The following ADNP variants were observed in gnomAD, a reference collection of about 807,000 sequenced individuals.
The protein encoded by ADNP is activity dependent neuroprotector homeobox, also known as activity-dependent neuroprotector homeobox protein.
In ADNP, 4 loss-of-function variants were observed where a neutral mutation model predicts 84.9. The observed-to-expected ratio is 0.05, with a 90% CI of 0.02 to 0.11. ADNP has a LOEUF of 0.11. Ranked by LOEUF, ADNP falls within the 10% of genes least tolerant of loss-of-function variation. The pLI is 1.00. For missense variants in ADNP, 1,132 were observed against 1,326.0 expected (o/e 0.85, Z 2.27); for synonymous variants, 554 against 468.1 (o/e 1.18, Z -2.37).
intron 2 of ADNP, among the ~76,000 whole-genome samples, chr20:50,916,059 A>T (rs1266315777): frequency 1.3e-5 from 2 of 152,180 alleles, no homozygotes; most frequent in Non-Finnish European, 2.9e-5. Context: ...GCCTCCAAAA[A>T]TAAACACTGA....
At position 50,892,050 on chromosome 20, in the gene ADNP, T is replaced by G. The variant is rs747941243; in HGVS notation, c.2664A>C (p.Glu888Asp). ...SFENLEEESN[E>D]SGSPFDPVFE... ...AAACAGGGTCAAAAGGGCTACCACT[T>G]TCATTGGATTCTTCTTCCAAATTTT... Residue 888 changes from glutamate (E) to aspartate (D), a missense_variant, in exon 6 of 6, where the codon GAA becomes GAC. Physicochemically the swap from Glu to Asp is conservative, Grantham distance 45. Around this residue, in one of 10 missense-constraint regions of ADNP, gnomAD observed 381 missense variants for 319.9 expected, o/e 1.19. Coordinates refer to ENST00000621696, the MANE Select transcript of ADNP (RefSeq NM_001282531.3). 3.1e-6 allele frequency: 5 copies of G among 1,614,176 alleles called. No individual in the cohort carries two copies. The South Asian group carries it at 5.5e-5, about 18-fold the overall frequency.
rs1253294201 is a variant in ADNP at position 50,892,836 on chromosome 20, A to G, written c.1878T>C (p.Leu626=). The G allele has an allele frequency of 6.2e-7, 1 of 1,614,252 alleles. No individual in the cohort carries two copies. Among genetic ancestry groups the G allele is most frequent in the South Asian group, 1.1e-5 (1 of 91,088 alleles). ...KKDVGKTLCP[L]CFSILKGPIS... ...TGGGTCCTTTTAGGATTGAAAAGCA[A>G]AGAGGACAAAGGGTTTTCCCAACAT... Residue 626 remains leucine (L), a synonymous_variant, in exon 6 of 6, where the codon CTT becomes CTC. Transcript: ENST00000621696.
chr20:50,908,319 T>C (rs919566519), intron 2 of ADNP, among the ~76,000 whole-genome samples: 33 of 152,176 alleles, frequency 2.2e-4, no homozygotes, highest in African/African-American at 7.5e-4. Context: ...TTTTGAACTA[T>C]AACAAGCCAA....
intron 2 of ADNP, among the ~76,000 whole-genome samples, chr20:50,926,832 A>G (rs1307937089): frequency 6.6e-6 from 1 of 152,198 alleles, no homozygotes; most frequent in Admixed American, 6.5e-5. Context: ...CCTATGAAGT[A>G]TCAATCTCTA....
chr20:50,894,078 G>A lies in ADNP; in HGVS notation c.636C>T (p.Gly212=). 1 of 1,614,184 alleles carries A rather than the reference G, an allele frequency of 6.2e-7. No homozygotes were observed. The change falls in exon 6 of 6, where the codon GGC becomes GGT. Residue 212 remains glycine (G), a synonymous_variant. Transcript: ENST00000621696. ...EKSLNGAVPL[G]SNAREESSIH... ...TACTACTCTCTTCTCGGGCATTCGA[G>A]CCTAAGGGGACTGCCCCATTGAGTG...
At chr20:50,922,033 G>GT (rs1472296371) in intron 2 of ADNP, among the ~76,000 whole-genome samples, 2 of 152,188 alleles carry the variant, frequency 1.3e-5, no homozygotes, top group Non-Finnish European at 2.9e-5. Flanking sequence ...TGCTGTCGCT[G>GT]TAAGTGGACA....
In ADNP at chr20:50,888,998, C is replaced by T. The variant is rs1980363985; in HGVS notation, c.*2407G>A. ...CTCTAATTAGGTGGCAGCACGTTGC[C>T]ATAGCCAACGATCTCCAGATTATTT... On this transcript the variant is annotated 3_prime_UTR_variant, in exon 6 of 6. Transcript: ENST00000621696. 6.6e-6 allele frequency: 1 copy of T among 152,180 alleles called. No homozygotes were observed. Among genetic ancestry groups the T allele is most frequent in the African/African-American group, 2.4e-5 (1 of 41,442 alleles). 9.4% of individuals were successfully genotyped at this position (152,180 alleles called of 1,614,324 possible). A position where few individuals can be genotyped will look rare whatever the true frequency, so the allele number is the denominator to read the frequency against.
intron 2 of ADNP, among the ~76,000 whole-genome samples, chr20:50,915,588 T>C (rs1325629354): frequency 1.3e-5 from 2 of 152,160 alleles, no homozygotes; most frequent in African/African-American, 4.8e-5. Flanking sequence ...AAACTCTTCA[T>C]AGAAAGGCAG....
chr20:50,891,849 A>T lies in ADNP; in HGVS notation c.2865T>A (p.Ser955Arg), dbSNP rs751947530. 3.1e-6 allele frequency: 5 copies of T among 1,614,138 alleles called. No homozygotes were observed. The highest frequency in any genetic ancestry group is 4.2e-6 in the Non-Finnish European group (5 of 1,179,996). Residue 955 changes from serine (S) to arginine (R), a missense_variant, in exon 6 of 6, where the codon AGT (serine) becomes AGA (arginine). Physicochemically the swap from Ser to Arg is moderately radical, Grantham distance 110. Around this residue, in one of 10 missense-constraint regions of ADNP, gnomAD observed 381 missense variants for 319.9 expected, o/e 1.19. Coordinates refer to ENST00000621696, the MANE Select transcript of ADNP (RefSeq NM_001282531.3). ...CAACAACATCGTCTTGGTCAACCTC[A>T]CTATCAGATGCATTGTGCATTAGTT... is the stretch of plus-strand genomic sequence containing the variant. ...PTKLMHNASD[S>R]EVDQDDVVEW...
At chr20:50,895,005 T>TA (rs1041695894) in intron 5 of ADNP, among the ~76,000 whole-genome samples, 28 of 152,100 alleles carry the variant, frequency 1.8e-4, no homozygotes, top group African/African-American at 4.6e-4. Flanking sequence ...CAGTGTAAAT[T>TA]AAAAAAATGC....
At chr20:50,914,621 T>C (rs16995611) in intron 2 of ADNP, among the ~76,000 whole-genome samples, 5,470 of 152,328 alleles carry the variant, frequency 0.036, 227 homozygotes, top group African/African-American at 0.086. Context: ...CACATATTCT[T>C]GTATACTGAA....
At chr20:50,897,785 T>C (rs1260762629) in intron 5 of ADNP, among the ~76,000 whole-genome samples, 1 of 152,214 alleles carries the variant, frequency 6.6e-6, no homozygotes, top group East Asian at 1.9e-4. Context: ...AAGGAGGCAT[T>C]TGCTTATCAG....
At position 50,893,086 on chromosome 20, in the gene ADNP, T is replaced by A. The variant is rs1238546331; in HGVS notation, c.1628A>T (p.Lys543Ile). ...MVHIDEEMGP[K>I]TDSTLSFDLT... The stretch of plus-strand genomic sequence containing the variant: ...ATCAAAACTCAAAGTAGAATCTGTT[T>A]TAGGTCCCATCTCTTCATCAATGTG... The change falls in exon 6 of 6, where the codon AAA becomes ATA. Residue 543 changes from lysine (K) to isoleucine (I), a missense_variant. Coordinates refer to ENST00000621696, the MANE Select transcript of ADNP (RefSeq NM_001282531.3). The surrounding 1 kb of genome is among the most constrained non-coding windows in gnomAD (Gnocchi z 4.4). The A allele has an allele frequency of 1.2e-6, 2 of 1,614,236 alleles. No individual in the cohort carries two copies. Among genetic ancestry groups the A allele is most frequent in the Non-Finnish European group, 1.7e-6 (2 of 1,180,040 alleles).
rs1432380971 is a variant in ADNP at position 50,931,202 on chromosome 20, C to T, written c.-641G>A. 1 of 141,494 alleles carries T rather than the reference C, an allele frequency of 7.1e-6. No homozygotes were observed. The highest frequency in any genetic ancestry group is 1.5e-5 in the Non-Finnish European group (1 of 65,802). 8.8% of individuals were successfully genotyped at this position (141,494 alleles called of 1,614,324 possible). On this transcript the variant is annotated 5_prime_UTR_variant, in exon 1 of 6. Coordinates refer to ENST00000621696, the MANE Select transcript of ADNP (RefSeq NM_001282531.3). The stretch of plus-strand genomic sequence containing the variant: ...GTGTCTGAGAAGACGCCAAAATCCC[C>T]CTTAGCGCTGCCTGCGGGAGGGGGA...
chr20:50,891,981 A>G lies in ADNP; in HGVS notation c.2733T>C (p.His911=), dbSNP rs781036476. ...CATCCTCAGGAATTACCTTCAGTAC[A>G]TGTTCCTCTGGGTTATCGTTAGAGA... ...PKISNDNPEE[H]VLKVIPEDAS... is the part of the protein sequence containing the mutation. Residue 911 remains histidine, a synonymous_variant, in exon 6 of 6, where the codon CAT becomes CAC. Transcript: ENST00000621696. 4 of 1,614,196 alleles carry G rather than the reference A, an allele frequency of 2.5e-6. No individual in the cohort carries two copies. The highest frequency in any genetic ancestry group is 3.4e-6 in the Non-Finnish European group (4 of 1,180,020).
intron 2 of ADNP, among the ~76,000 whole-genome samples, chr20:50,925,750 T>G (rs1984247612): frequency 6.6e-6 from 1 of 152,154 alleles, no homozygotes; most frequent in Non-Finnish European, 1.5e-5. Flanking sequence ...TAACTGGCAG[T>G]GAGGTACATC....
chr20:50,907,637 T>C (rs1488029232), intron 2 of ADNP, among the ~76,000 whole-genome samples: 2 of 151,110 alleles, frequency 1.3e-5, no homozygotes, highest in Non-Finnish European at 2.9e-5. Context: ...GGCTGGAGTG[T>C]AGTGGTGTAA....
Position 50,890,060 on chromosome 20 carries a change from T to C in ADNP, c.*1345A>G, listed in dbSNP as rs1023714140. The C allele has an allele frequency of 6.2e-6, 2 of 323,998 alleles. No homozygotes were observed. The highest frequency in any genetic ancestry group is 5.2e-5 in the Admixed American group (1 of 19,146). 20.1% of individuals were successfully genotyped at this position (323,998 alleles called of 1,614,324 possible). On this transcript the variant is annotated 3_prime_UTR_variant, in exon 6 of 6. Transcript: ENST00000621696. ...TTTTTTTTTTTATCATTGAGACATT[T>C]ACATATATATGCAGGCTCTGCTCCT... is the stretch of plus-strand genomic sequence containing the variant.
intron 4 of ADNP, among the ~76,000 whole-genome samples, 199 bp downstream of exon 4, chr20:50,903,690 C>A (rs1982206993): frequency 6.6e-6 from 1 of 152,188 alleles, no homozygotes; most frequent in Non-Finnish European, 1.5e-5. Context: ...TGGTAGCCTT[C>A]TGCTTCAGGA....
Sources: allele counts gnomAD v4.1 joint callset (sites outside exome capture counted in the v4.1 genomes callset), GRCh38; gene constraint gnomAD v4.1.1; regional missense constraint gnomAD v4.1.1; non-coding constraint Gnocchi (gnomAD v3.1); transcripts MANE v1.5; gene names NCBI Gene and HGNC (gene_info 2026-07-23, HGNC 2026-07-21).